Variants in DOCK2 observed in about 807,000 individuals in gnomAD.
DOCK2 encodes dedicator of cytokinesis 2, also known as dedicator of cytokinesis protein 2.
A neutral mutation model predicts 248.9 loss-of-function variants in DOCK2; 87 were observed. The ratio of observed to expected loss-of-function variants is 0.35; its 90% CI spans 0.29 to 0.42. The LOEUF is 0.42. Ranked by LOEUF, DOCK2 falls within the 10% of genes least tolerant of loss-of-function variation. The probability of loss-of-function intolerance (pLI) is 1.00; values close to 1 mark genes in which losing one functional copy is unlikely to be tolerated. For missense variants in DOCK2, 1,747 were observed against 2,300.2 expected, an observed-to-expected ratio of 0.76 and a Z score of 4.92; for synonymous variants, 805 against 821.6, an observed-to-expected ratio of 0.98 and a Z score of 0.35.
At chr5:169,855,491 T>A (rs981157384) in intron 27 of DOCK2, among the ~76,000 whole-genome samples, 49 of 152,162 alleles carry the variant, frequency 3.2e-4, no homozygotes, top group Non-Finnish European at 5.3e-4. Context: ...GGAGACTTAT[T>A]TGTAGGGGAA....
intron 27 of DOCK2, among the ~76,000 whole-genome samples, chr5:169,876,585 G>A (rs1261322936): frequency 6.6e-6 from 1 of 152,208 alleles, no homozygotes; most frequent in Non-Finnish European, 1.5e-5. Context: ...TGAAAGTGCA[G>A]CAAGCTCTCT....
In DOCK2 at chr5:169,699,939, G is replaced by C. The variant is rs977810262; in HGVS notation, c.1133-75G>C. ...CCAGTGATCTCCAGAAAGACAGAGG[G>C]GAGAGGTGGCGGGAGGGCCGACTGA... On this transcript the variant is annotated intron_variant, in intron 12 of 51. Transcript: ENST00000520908. 12 of 1,586,528 alleles carry C rather than the reference G, an allele frequency of 7.6e-6. No homozygotes were observed. In the African/African-American group the frequency reaches 1.6e-4, roughly 21 times the overall value.
chr5:170,018,273 A>G (rs1261892338), intron 32 of DOCK2, among the ~76,000 whole-genome samples: 2 of 152,200 alleles, frequency 1.3e-5, no homozygotes, highest in Non-Finnish European at 2.9e-5. Context: ...GTTAGGGAGC[A>G]GACAGGGAAA....
intron 27 of DOCK2, among the ~76,000 whole-genome samples, chr5:169,887,957 CATT>C (rs1773066912): frequency 6.6e-6 from 1 of 152,134 alleles, no homozygotes; most frequent in Non-Finnish European, 1.5e-5. Context: ...AATTGTATCT[CATT>C]ATTCTCGATA....
intron 44 of DOCK2, among the ~76,000 whole-genome samples, chr5:170,059,031 T>C (rs570611052): frequency 1.4e-4 from 21 of 152,302 alleles, no homozygotes; most frequent in African/African-American, 4.8e-4. Flanking sequence ...ATTCTTCCCA[T>C]TTTACAGATG....
At chr5:170,075,264 A>T (rs1757798665) in intron 46 of DOCK2, among the ~76,000 whole-genome samples, 2 of 152,140 alleles carry the variant, frequency 1.3e-5, no homozygotes, top group South Asian at 2.1e-4. Context: ...CTCTCCCTTA[A>T]GGTAGCTGAC....
intron 27 of DOCK2, among the ~76,000 whole-genome samples, chr5:169,941,855 A>G (rs1429596243): frequency 1.3e-5 from 2 of 152,154 alleles, no homozygotes; most frequent in African/African-American, 4.8e-5. Context: ...GGGGCTGCCA[A>G]TTTTGGTTTG....
intron 2 of DOCK2, among the ~76,000 whole-genome samples, chr5:169,663,283 G>C (rs1378988579): frequency 6.6e-6 from 1 of 152,214 alleles, no homozygotes; most frequent in Admixed American, 6.5e-5. Flanking sequence ...GCAGGGTACA[G>C]ACCCCACAGC....
At chr5:170,020,574 A>G (rs763229165) in intron 33 of DOCK2, among the ~76,000 whole-genome samples, 2 of 152,254 alleles carry the variant, frequency 1.3e-5, no homozygotes, top group Non-Finnish European at 2.9e-5. Context: ...GAAGTAGGTA[A>G]CATTATCTTA....
intron 6 of DOCK2, among the ~76,000 whole-genome samples, chr5:169,680,706 G>A (rs1044633518): frequency 1.3e-5 from 2 of 151,870 alleles, no homozygotes; most frequent in Non-Finnish European, 2.9e-5. Context: ...GGAAGACAGA[G>A]CAAGACCCTG....
At chr5:169,766,666 T>G (rs79399569) in intron 25 of DOCK2, among the ~76,000 whole-genome samples, 11,649 of 152,282 alleles carry the variant, frequency 0.076, 488 homozygotes, top group African/African-American at 0.12. Flanking sequence ...ATCTCCAAAC[T>G]GCTTTCCATG....
Position 169,716,271 on chromosome 5 carries a change from A to G in DOCK2, c.2000A>G (p.Asp667Gly). 3 of 1,613,760 alleles carry G rather than the reference A, an allele frequency of 1.9e-6. No individual in the cohort carries two copies. The highest frequency in any genetic ancestry group is 2.5e-6 in the Non-Finnish European group (3 of 1,179,702). ...ATCATGATGGAGCATTCTCAAAGTG[A>G]TGAATATGACATCCTCGTCTTTGAT... ...FNIMMEHSQS[D>G]EYDILVFDAL... The change falls in exon 20 of 52, where the codon GAT (aspartate) becomes GGT (glycine). Residue 667 changes from aspartate to glycine, a missense_variant. This residue lies in a region of DOCK2 where 858 missense variants were observed against 1,183.5 expected (regional missense o/e 0.72). Transcript: ENST00000520908.
At chr5:169,646,774 G>A (rs556862278) in intron 1 of DOCK2, among the ~76,000 whole-genome samples, 14 of 152,326 alleles carry the variant, frequency 9.2e-5, no homozygotes, top group African/African-American at 3.1e-4. Flanking sequence ...CTGGCAAAAT[G>A]TGCTTATTTT....
intron 27 of DOCK2, among the ~76,000 whole-genome samples, chr5:169,976,145 T>G (rs921822076): frequency 1.3e-5 from 2 of 152,248 alleles, no homozygotes; most frequent in Non-Finnish European, 2.9e-5. Context: ...AAATATTTAT[T>G]GAACCCATGC....
rs138826774 is a variant in DOCK2, at chr5:170,080,255, T to C, written c.5259T>C (p.Phe1753=). ...LKASVLSQMS[F]ASQSMPTIPA... is the part of the protein sequence containing the mutation. ...CGTCTGTCCTCTCTCAAATGAGCTT[T>C]GCCAGCCAGTCCATGCCTACCATCC... Residue 1753 remains phenylalanine, a synonymous_variant, in exon 50 of 52, where the codon TTT becomes TTC. Transcript: ENST00000520908. 522 of 1,614,148 alleles carry C rather than the reference T, an allele frequency of 3.2e-4. No individual in the cohort carries two copies. The highest frequency in any genetic ancestry group is 4.0e-4 in the Admixed American group (24 of 60,028).
intron 25 of DOCK2, among the ~76,000 whole-genome samples, chr5:169,788,393 G>A (rs1766124228): frequency 2.0e-5 from 3 of 152,132 alleles, no homozygotes; most frequent in Admixed American, 6.5e-5. Context: ...CAAGTGACTT[G>A]AAACCATTAG....
intron 9 of DOCK2, 66 bp downstream of exon 9, chr5:169,689,399 G>T: frequency 6.4e-7 from 1 of 1,563,756 alleles, no homozygotes; most frequent in Non-Finnish European, 8.8e-7. Flanking sequence ...TGGAAATGAG[G>T]CTGGTCAGGA....
intron 27 of DOCK2, among the ~76,000 whole-genome samples, chr5:169,956,041 A>G (rs1251183818): frequency 6.9e-6 from 1 of 145,124 alleles, no homozygotes; most frequent in Non-Finnish European, 1.5e-5. Flanking sequence ...ATAGATTTGA[A>G]AAAAAAAAAA....
intron 34 of DOCK2, 32 bp from the exon 35 acceptor site, chr5:170,034,367 A>G (rs1168359174): frequency 6.2e-7 from 1 of 1,612,410 alleles, no homozygotes. Context: ...CTCCCCAGCC[A>G]TGAGCTCACT....
Sources: allele counts gnomAD v4.1 joint callset (sites outside exome capture counted in the v4.1 genomes callset), GRCh38; gene constraint gnomAD v4.1.1; regional missense constraint gnomAD v4.1.1; transcripts MANE v1.5; gene names NCBI Gene and HGNC (gene_info 2026-07-23, HGNC 2026-07-21).